Variants in FUT9 observed in about 807,000 individuals in gnomAD.
FUT9 encodes the protein fucosyltransferase 9.
In FUT9, 15 loss-of-function variants were observed where a neutral mutation model predicts 29.7. That is an observed-to-expected ratio of 0.51 (90% confidence interval 0.34 to 0.78). The LOEUF (loss-of-function observed/expected upper bound fraction) is 0.78, where lower values mean the gene tolerates loss of function less well. Among genes scored for constraint, FUT9 ranks in the 30% least tolerant of loss-of-function variants. The probability of loss-of-function intolerance (pLI) is 0.01; values close to 1 mark genes in which losing one functional copy is unlikely to be tolerated. For synonymous variants in FUT9, 169 were observed against 153.7 expected (o/e 1.10, Z -0.74); for missense variants, 319 against 425.4 (o/e 0.75, Z 2.20).
At chr6:96,154,388 A>G (rs1458368004) in intron 2 of FUT9, among the ~76,000 whole-genome samples, 1 of 152,194 alleles carries the variant, frequency 6.6e-6, no homozygotes. Flanking sequence ...TCCAACAGTA[A>G]TATAAAAGCA....
intron 1 of FUT9, among the ~76,000 whole-genome samples, chr6:96,051,813 A>G (rs1428486049): frequency 6.6e-6 from 1 of 152,198 alleles, no homozygotes; most frequent in African/African-American, 2.4e-5. Flanking sequence ...AATATTACAT[A>G]TTAAATACAT....
At chr6:96,085,916 G>A (rs905174353) in intron 1 of FUT9, among the ~76,000 whole-genome samples, 11 of 152,102 alleles carry the variant, frequency 7.2e-5, no homozygotes, top group Admixed American at 1.3e-4. Context: ...ACATTGTTAT[G>A]TTTATTGGTA....
chr6:96,052,962 GT>G lies in FUT9; in HGVS notation c.-98+36759del, dbSNP rs200597112. ...AATAATATTGTGTCTTCACCTTACT[GT>G]TTTTTTTTGTCTTCATTCAATCACC... On this transcript the variant is annotated intron_variant, in intron 1 of 2. Transcript: ENST00000302103. Among the ~76,000 whole-genome samples, 880 of 150,020 alleles carry G rather than the reference GT, an allele frequency of 5.9e-3. 4 individuals carry two copies. Among genetic ancestry groups the G allele is most frequent in the African/African-American group, 0.02 (808 of 40,874 alleles).
intron 2 of FUT9, among the ~76,000 whole-genome samples, chr6:96,186,743 G>C (rs962908801): frequency 1.3e-5 from 2 of 152,036 alleles, no homozygotes; most frequent in African/African-American, 4.8e-5. Context: ...TCAGATCTAA[G>C]GGCTGAGAAC....
intron 2 of FUT9, among the ~76,000 whole-genome samples, chr6:96,175,502 A>G (rs756155078): frequency 1.3e-5 from 2 of 152,264 alleles, no homozygotes; most frequent in Non-Finnish European, 2.9e-5. Flanking sequence ...ACCAAATATT[A>G]TACCTATTCG....
chr6:96,138,761 T>A (rs940560742), intron 2 of FUT9, among the ~76,000 whole-genome samples: 12 of 152,188 alleles, frequency 7.9e-5, no homozygotes, highest in Non-Finnish European at 1.0e-4. Context: ...AGATTTTTTT[T>A]AAGTATCTGC....
intron 1 of FUT9, among the ~76,000 whole-genome samples, chr6:96,054,419 C>T (rs1770727130): frequency 6.6e-6 from 1 of 152,124 alleles, no homozygotes; most frequent in African/African-American, 2.4e-5. Context: ...TTCACTCATT[C>T]ATGTATTTAA....
At chr6:96,173,153 T>C (rs955486796) in intron 2 of FUT9, among the ~76,000 whole-genome samples, 12 of 152,146 alleles carry the variant, frequency 7.9e-5, no homozygotes, top group African/African-American at 2.2e-4. Context: ...TCCTCTCTGC[T>C]GATTTTTCTT....
chr6:96,143,342 A>G (rs1319548139), intron 2 of FUT9, among the ~76,000 whole-genome samples: 2 of 152,186 alleles, frequency 1.3e-5, no homozygotes, highest in South Asian at 4.1e-4. Flanking sequence ...GTTGTTTCTA[A>G]GACATTCAGT....
intron 1 of FUT9, among the ~76,000 whole-genome samples, chr6:96,062,302 T>A (rs527714991): frequency 6.6e-6 from 1 of 152,142 alleles, no homozygotes; most frequent in Non-Finnish European, 1.5e-5. Flanking sequence ...AGGAAAAAGA[T>A]ATAGGAAGTA....
At chr6:96,196,164 C>T in intron 2 of FUT9, among the ~76,000 whole-genome samples, 1 of 152,124 alleles carries the variant, frequency 6.6e-6, no homozygotes, top group African/African-American at 2.4e-5. Context: ...TCCTCCCCAT[C>T]ATAAGGGTCA....
In FUT9 at chr6:96,164,362, C is replaced by G. The variant is rs565397267; in HGVS notation, c.-8-38786C>G. Among the ~76,000 whole-genome samples, 16 of 151,368 alleles carry G rather than the reference C, an allele frequency of 1.1e-4. No individual in the cohort carries two copies. The South Asian group carries it at 3.3e-3, about 32-fold the overall frequency. On this transcript the variant is annotated intron_variant, in intron 2 of 2. Transcript: ENST00000302103. ...CAACCTCCGCCTCCTGGGTTCACGC[C>G]ATTCTCCTGCCTCAGCCTCCTGAGT...
intron 1 of FUT9, among the ~76,000 whole-genome samples, chr6:96,048,980 T>C (rs1044472999): frequency 1.3e-5 from 2 of 152,190 alleles, no homozygotes; most frequent in Non-Finnish European, 2.9e-5. Flanking sequence ...TCCTTTCTTC[T>C]GGGATAGTTA....
intron 1 of FUT9, among the ~76,000 whole-genome samples, chr6:96,087,099 C>T (rs117195444): frequency 0.043 from 6,618 of 152,186 alleles, 168 homozygotes; most frequent in East Asian, 0.086. Context: ...TTTTAAAAAT[C>T]TAGACCTGGT....
intron 1 of FUT9, among the ~76,000 whole-genome samples, chr6:96,031,407 A>G (rs909223193): frequency 6.6e-6 from 1 of 151,432 alleles, no homozygotes; most frequent in East Asian, 1.9e-4. Flanking sequence ...AAAAAACTAT[A>G]ATTTAGAGAG....
chr6:96,154,962 A>G (rs1772748401), intron 2 of FUT9, among the ~76,000 whole-genome samples: 1 of 152,186 alleles, frequency 6.6e-6, no homozygotes, highest in African/African-American at 2.4e-5. Context: ...AGAGGGGCAC[A>G]GCACGTGCTG....
At chr6:96,051,004 C>G (rs1770656837) in intron 1 of FUT9, among the ~76,000 whole-genome samples, 1 of 85,706 alleles carries the variant, frequency 1.2e-5, no homozygotes, top group Non-Finnish European at 2.4e-5. Context: ...TCATGTCTCT[C>G]TCTCTCTCTG....
At chr6:96,094,928 T>A (rs1219159979) in intron 1 of FUT9, among the ~76,000 whole-genome samples, 1 of 152,082 alleles carries the variant, frequency 6.6e-6, no homozygotes, top group Non-Finnish European at 1.5e-5. Flanking sequence ...ATTTCTGAGA[T>A]TTTGGTGCAC....
rs1773896600 is a variant in FUT9, at chr6:96,209,584, T to C, written c.*5349T>C. On this transcript the variant is annotated 3_prime_UTR_variant, in exon 3 of 3. Coordinates refer to ENST00000302103, the MANE Select transcript of FUT9 (RefSeq NM_006581.4). Reference sequence around the variant, plus strand: ...TTGATGCAAAAAATTTAGGGAGTCATTGGAAATACCTGAGGCAATCCCAGG... The same window carrying C: ...TTGATGCAAAAAATTTAGGGAGTCACTGGAAATACCTGAGGCAATCCCAGG... 1 of 166,956 alleles carries C rather than the reference T, an allele frequency of 6.0e-6. No homozygotes were observed. Among genetic ancestry groups the C allele is most frequent in the Non-Finnish European group, 1.5e-5 (1 of 68,044 alleles). The allele number at this position is 166,956 out of a possible 1,614,324, so 10.3% of individuals were successfully genotyped here.
Sources: allele counts gnomAD v4.1 joint callset (sites outside exome capture counted in the v4.1 genomes callset), GRCh38; gene constraint gnomAD v4.1.1; transcripts MANE v1.5; gene names NCBI Gene and HGNC (gene_info 2026-07-23, HGNC 2026-07-21).